TRPC5: variants seen among roughly 807,000 people sequenced by gnomAD.
TRPC5 encodes the protein transient receptor potential cation channel subfamily C member 5.
Under a neutral mutation model 56.5 loss-of-function variants are expected in TRPC5, and 9 were observed. The ratio of observed to expected loss-of-function variants is 0.16; its 90% CI spans 0.10 to 0.28. The LOEUF (loss-of-function observed/expected upper bound fraction) is 0.28. Among genes scored for constraint, TRPC5 ranks in the 10% least tolerant of loss-of-function variants. The probability of loss-of-function intolerance (pLI) is 1.00; values close to 1 mark genes in which losing one functional copy is unlikely to be tolerated. For synonymous variants in TRPC5, 282 were observed against 278.5 expected (o/e 1.01, Z -0.13); for missense variants, 469 against 748.9 (o/e 0.63, Z 4.36).
chrX:111,838,151 C>T (rs1922623432), intron 6 of TRPC5, among the ~76,000 whole-genome samples: 3 of 111,270 alleles, frequency 2.7e-5, no homozygotes, highest in Admixed American at 1.9e-4. Flanking sequence ...CTGCCTTCAA[C>T]TCTGCTGATA....
At chrX:111,995,498 A>T (rs112835389) in intron 1 of TRPC5, among the ~76,000 whole-genome samples, 10,787 of 110,625 alleles carry the variant, frequency 0.098, 1,135 homozygotes, top group African/African-American at 0.31. Flanking sequence ...TAGGGAGGAT[A>T]CCCTCTTTTT....
rs752074873 is a variant in TRPC5, at chrX:111,940,263, C to T, written c.378+11780G>A. ...ATTTCTGGTTTATTCCATTGTGGTT[C>T]GAGAAGATGCGGAGTCTCTGTTGCC... is the stretch of plus-strand genomic sequence containing the variant. On this transcript the variant is annotated intron_variant, in intron 2 of 10. Transcript: ENST00000262839. Among the ~76,000 whole-genome samples, 7 of 111,521 alleles carry T rather than the reference C, an allele frequency of 6.3e-5. No individual in the cohort carries two copies. In the East Asian group the frequency reaches 8.5e-4, roughly 13 times the overall value.
At chrX:111,944,093 A>G (rs182949872) in intron 2 of TRPC5, among the ~76,000 whole-genome samples, 4 of 111,578 alleles carry the variant, frequency 3.6e-5, no homozygotes, top group African/African-American at 1.3e-4. Flanking sequence ...TTCATTCTGC[A>G]GATGGTGGAG....
At chrX:111,929,603 GT>G (rs753964623) in intron 2 of TRPC5, among the ~76,000 whole-genome samples, 4 of 112,213 alleles carry the variant, frequency 3.6e-5, no homozygotes, top group Non-Finnish European at 5.6e-5. Flanking sequence ...CTCCACTGTG[GT>G]TTTTATATTT....
chrX:111,915,572 C>T (rs1375987509), intron 2 of TRPC5, among the ~76,000 whole-genome samples: 1 of 111,890 alleles, frequency 8.9e-6, no homozygotes, highest in African/African-American at 3.3e-5. Context: ...TCTTGCTGCC[C>T]GCTCAAATAC....
At chrX:112,067,615 A>G (rs146445735) in intron 1 of TRPC5, among the ~76,000 whole-genome samples, 4,208 of 111,543 alleles carry the variant, frequency 0.038, 153 homozygotes, top group African/African-American at 0.12. Context: ...GAAGGCATTC[A>G]GTCTCAGAAG....
rs1330461060 is a variant in TRPC5 at position 111,977,625 on chromosome X, C to T, written c.-21-25184G>A. Among the ~76,000 whole-genome samples the T allele has an allele frequency of 2.4e-4, 27 of 111,309 alleles. No individual in the cohort carries two copies. In the Admixed American group the frequency reaches 2.6e-3, roughly 11 times the overall value. ...GCAAAAATAGACAAGAGTTATTACACCAACTAAAAAGCTTCTGCCTGGCAA... is the reference window on the plus strand; with the variant it reads ...GCAAAAATAGACAAGAGTTATTACATCAACTAAAAAGCTTCTGCCTGGCAA... On this transcript the variant is annotated intron_variant, in intron 1 of 10. Transcript: ENST00000262839.
intron 7 of TRPC5, among the ~76,000 whole-genome samples, chrX:111,815,166 A>G (rs757309289): frequency 1.8e-5 from 2 of 111,921 alleles, no homozygotes; most frequent in East Asian, 5.6e-4. Flanking sequence ...AGAAGAATAT[A>G]GAGGTTGAGC....
intron 1 of TRPC5, among the ~76,000 whole-genome samples, chrX:112,051,544 C>T (rs1414770318): frequency 9.0e-6 from 1 of 111,316 alleles, no homozygotes; most frequent in Non-Finnish European, 1.9e-5. Flanking sequence ...AAGCCTAATG[C>T]TCATGAGAAA....
chrX:111,831,285 C>A (rs1243766179), intron 7 of TRPC5, among the ~76,000 whole-genome samples: 1 of 112,204 alleles, frequency 8.9e-6, no homozygotes, highest in Non-Finnish European at 1.9e-5. Flanking sequence ...CAGTGCATAG[C>A]AGTTGGTTAT....
intron 2 of TRPC5, among the ~76,000 whole-genome samples, chrX:111,934,307 C>T (rs181038107): frequency 1.0e-3 from 108 of 106,581 alleles, no homozygotes; most frequent in African/African-American, 3.4e-3. Flanking sequence ...ATGTCTTAAA[C>T]AATTTTGAGC....
chrX:111,934,931 T>C (rs1223944361), intron 2 of TRPC5, among the ~76,000 whole-genome samples: 1 of 112,539 alleles, frequency 8.9e-6, no homozygotes, highest in African/African-American at 3.2e-5. Flanking sequence ...GCAATAAATA[T>C]GGAAGTGAAG....
intron 1 of TRPC5, among the ~76,000 whole-genome samples, chrX:111,994,397 G>C (rs1928457905): frequency 9.0e-6 from 1 of 111,371 alleles, no homozygotes; most frequent in African/African-American, 3.3e-5. Context: ...CTCTTTTTTG[G>C]TTCCATATGA....
At chrX:111,817,323 A>ATTTTTTTTT (rs148024546) in intron 7 of TRPC5, among the ~76,000 whole-genome samples, 1 of 82,937 alleles carries the variant, frequency 1.2e-5, no homozygotes, top group Non-Finnish European at 2.3e-5. Flanking sequence ...CTCTTATCTG[A>ATTTTTTTTT]TTTTTTTTTT....
Position 112,079,787 on chromosome X carries a change from C to T in TRPC5, c.-22+2092G>A, listed in dbSNP as rs146177675. The stretch of plus-strand genomic sequence containing the variant: ...GTTCAGGTCTCCATGTTGAGATGTA[C>T]ACTGAAGCCAGGTGAATTAGTATCA... On this transcript the variant is annotated intron_variant, in intron 1 of 10. Coordinates refer to ENST00000262839, the MANE Select transcript of TRPC5 (RefSeq NM_012471.3). Among the ~76,000 whole-genome samples the T allele has an allele frequency of 5.3e-3, 596 of 111,557 alleles. 6 individuals are homozygous for T. The highest frequency in any genetic ancestry group is 0.019 in the African/African-American group (571 of 30,649).
At chrX:112,005,961 AG>A (rs1022565647) in intron 1 of TRPC5, among the ~76,000 whole-genome samples, 3 of 111,221 alleles carry the variant, frequency 2.7e-5, no homozygotes, top group Admixed American at 9.6e-5. Flanking sequence ...AGATCTTGGC[AG>A]GGGGAAGGTG....
At chrX:112,069,740 C>T (rs1277890247) in intron 1 of TRPC5, among the ~76,000 whole-genome samples, 2 of 111,999 alleles carry the variant, frequency 1.8e-5, no homozygotes, top group Non-Finnish European at 3.8e-5. Flanking sequence ...CAGGAGTTGG[C>T]CTGTTAGCCC....
intron 5 of TRPC5, among the ~76,000 whole-genome samples, chrX:111,851,510 G>GGTGTGTGTGT (rs563243659): frequency 6.7e-4 from 66 of 99,070 alleles, no homozygotes; most frequent in African/African-American, 2.3e-3. Flanking sequence ...GTATTAAGGT[G>GGTGTGTGTGT]GTGTGTGTGT....
intron 7 of TRPC5, among the ~76,000 whole-genome samples, chrX:111,788,232 A>G (rs1313115520): frequency 8.9e-6 from 1 of 112,116 alleles, no homozygotes; most frequent in African/African-American, 3.2e-5. Context: ...AGTTGGCTTT[A>G]TCCCTGGGAT....
Sources: allele counts gnomAD v4.1 joint callset (sites outside exome capture counted in the v4.1 genomes callset), GRCh38; gene constraint gnomAD v4.1.1; transcripts MANE v1.5; gene names NCBI Gene and HGNC (gene_info 2026-07-23, HGNC 2026-07-21).